Variants in ZDHHC14 observed in about 807,000 individuals in gnomAD.
ZDHHC14 encodes the protein palmitoyltransferase ZDHHC14.
A neutral mutation model predicts 47.7 loss-of-function variants in ZDHHC14; 16 were observed. The observed-to-expected ratio is 0.34, with a 90% CI of 0.23 to 0.51. ZDHHC14 has a LOEUF of 0.51. Ranked by LOEUF, ZDHHC14 falls within the 20% of genes least tolerant of loss-of-function variation. The pLI is 0.97. For synonymous variants in ZDHHC14, 293 were observed against 278.9 expected (o/e 1.05, Z -0.50); for missense variants, 515 against 662.5 (o/e 0.78, Z 2.44).
intron 2 of ZDHHC14, among the ~76,000 whole-genome samples, chr6:157,557,968 C>A (rs1368812035): frequency 6.6e-6 from 1 of 152,194 alleles, no homozygotes; most frequent in East Asian, 1.9e-4. Context: ...GCCACACATG[C>A]AAGCCACACA....
At chr6:157,420,233 G>A (rs531319654) in intron 1 of ZDHHC14, among the ~76,000 whole-genome samples, 2 of 151,806 alleles carry the variant, frequency 1.3e-5, no homozygotes, top group East Asian at 3.9e-4. Flanking sequence ...TTGAAGGGGT[G>A]GGCTGAATCG....
At chr6:157,454,476 A>G (rs1778867885) in intron 1 of ZDHHC14, among the ~76,000 whole-genome samples, 1 of 150,598 alleles carries the variant, frequency 6.6e-6, no homozygotes, top group Non-Finnish European at 1.5e-5. Context: ...CTGATTTTAA[A>G]ATGCTTTTAA....
intron 1 of ZDHHC14, among the ~76,000 whole-genome samples, chr6:157,493,132 G>T (rs1368038081): frequency 6.6e-6 from 1 of 152,224 alleles, no homozygotes. Flanking sequence ...GTGGCACTGG[G>T]ACCAGGCTGT....
chr6:157,635,958 T>G (rs1221147986), intron 5 of ZDHHC14, among the ~76,000 whole-genome samples: 1 of 152,132 alleles, frequency 6.6e-6, no homozygotes, highest in African/African-American at 2.4e-5. Flanking sequence ...AAATAGTGTT[T>G]CCTCATCTGG....
intron 3 of ZDHHC14, among the ~76,000 whole-genome samples, chr6:157,612,843 GA>G (rs67622838): frequency 0.41 from 60,176 of 147,518 alleles, 12,716 homozygotes; most frequent in East Asian, 0.51. Flanking sequence ...CTCTCTTAGA[GA>G]AAAAAAAAAA....
chr6:157,406,289 G>A (rs1296447839), intron 1 of ZDHHC14, among the ~76,000 whole-genome samples: 2 of 152,182 alleles, frequency 1.3e-5, no homozygotes, highest in African/African-American at 2.4e-5. Context: ...TTTGAAAGTC[G>A]AAGGGATCCG....
At chr6:157,408,026 C>T (rs761995429) in intron 1 of ZDHHC14, among the ~76,000 whole-genome samples, 1 of 152,164 alleles carries the variant, frequency 6.6e-6, no homozygotes, top group Non-Finnish European at 1.5e-5. Flanking sequence ...GAAGTAGACT[C>T]AAGAAGGAGT....
Position 157,587,973 on chromosome 6 carries a change from G to C in ZDHHC14, c.407-5015G>C, listed in dbSNP as rs148785862. Among the ~76,000 whole-genome samples the C allele has an allele frequency of 5.3e-5, 8 of 152,204 alleles. No individual in the cohort carries two copies. The East Asian group carries it at 1.5e-3, about 29-fold the overall frequency. ...TGTCTCTATAAAAAATTTAAAATTA[G>C]GCTGGGTACTGTGACTCATGCCTGT... On this transcript the variant is annotated intron_variant, in intron 2 of 8. Transcript: ENST00000359775.
intron 1 of ZDHHC14, among the ~76,000 whole-genome samples, chr6:157,492,615 G>C (rs572878209): frequency 2.0e-5 from 3 of 152,308 alleles, no homozygotes; most frequent in East Asian, 3.9e-4. Flanking sequence ...TGTCTTGTGC[G>C]GAAGGCTGTG....
intron 1 of ZDHHC14, among the ~76,000 whole-genome samples, chr6:157,434,129 A>C (rs1329590199): frequency 6.6e-6 from 1 of 152,096 alleles, no homozygotes; most frequent in African/African-American, 2.4e-5. Context: ...CAACAACAAA[A>C]AGAAAATAGA....
intron 1 of ZDHHC14, among the ~76,000 whole-genome samples, chr6:157,492,201 C>CCCTGCG (rs1779939229): frequency 8.2e-6 from 1 of 122,250 alleles, no homozygotes; most frequent in African/African-American, 3.7e-5. Context: ...CCCCCCTCCG[C>CCCTGCG]CCCCGCCCCC....
intron 8 of ZDHHC14, among the ~76,000 whole-genome samples, chr6:157,663,150 C>T (rs921537403): frequency 3.9e-5 from 6 of 152,240 alleles, no homozygotes; most frequent in African/African-American, 1.4e-4. Flanking sequence ...CTGTGAGAAA[C>T]CCAGGTTGCT....
intron 1 of ZDHHC14, among the ~76,000 whole-genome samples, chr6:157,445,275 A>C (rs190773278): frequency 2.6e-5 from 4 of 152,322 alleles, no homozygotes; most frequent in African/African-American, 7.2e-5. Context: ...GGAAAGATTC[A>C]AAGAGTTAAT....
intron 1 of ZDHHC14, among the ~76,000 whole-genome samples, chr6:157,514,673 G>A (rs1780616329): frequency 6.6e-6 from 1 of 152,222 alleles, no homozygotes; most frequent in Non-Finnish European, 1.5e-5. Context: ...TATTCCGGTT[G>A]TTGTTTGAGC....
At position 157,463,557 on chromosome 6, in the gene ZDHHC14, A is replaced by T. The variant is rs1369965461; in HGVS notation, c.246-79028A>T. On this transcript the variant is annotated intron_variant, in intron 1 of 8. Transcript: ENST00000359775. The surrounding 1 kb of genome is among the most constrained non-coding windows in gnomAD (Gnocchi z 4.4). ...GAGCCTACAGGAAGAATCATCAGAAAGGAATGTAAGACAGCAGCTCCATCC... is the reference window on the plus strand; with the variant it reads ...GAGCCTACAGGAAGAATCATCAGAATGGAATGTAAGACAGCAGCTCCATCC... Among the ~76,000 whole-genome samples, 1 of 152,210 alleles carries T rather than the reference A, an allele frequency of 6.6e-6. No homozygotes were observed. The highest frequency in any genetic ancestry group is 1.5e-5 in the Non-Finnish European group (1 of 68,042).
rs535414017 is a variant in ZDHHC14, at chr6:157,427,017, G to C, written c.245+44751G>C. On this transcript the variant is annotated intron_variant, in intron 1 of 8. Transcript: ENST00000359775. The surrounding 1 kb of genome is among the most constrained non-coding windows in gnomAD (Gnocchi z 4.4). ...AAGATAGTGTCTGGAGGAGAAGGTAGGTGAGGAATCGGTCTAGAGGAAAAG... is the reference window on the plus strand; with the variant it reads ...AAGATAGTGTCTGGAGGAGAAGGTACGTGAGGAATCGGTCTAGAGGAAAAG... Among the ~76,000 whole-genome samples the C allele has an allele frequency of 5.3e-5, 8 of 152,274 alleles. No homozygotes were observed. The highest frequency in any genetic ancestry group is 4.2e-4 in the South Asian group (2 of 4,818).
intron 1 of ZDHHC14, among the ~76,000 whole-genome samples, chr6:157,537,767 C>G (rs1397541816): frequency 1.3e-5 from 2 of 152,178 alleles, no homozygotes; most frequent in African/African-American, 4.8e-5. Flanking sequence ...GAGTTCCCAT[C>G]CACAGTTGCT....
At chr6:157,442,870 CA>C (rs1778588451) in intron 1 of ZDHHC14, among the ~76,000 whole-genome samples, 3 of 152,170 alleles carry the variant, frequency 2.0e-5, no homozygotes, top group Admixed American at 6.5e-5. Context: ...AGACCTTTTT[CA>C]AGGAAGGCTT....
chr6:157,445,300 C>T (rs891892372), intron 1 of ZDHHC14, among the ~76,000 whole-genome samples: 9 of 152,152 alleles, frequency 5.9e-5, no homozygotes, highest in African/African-American at 1.9e-4. Flanking sequence ...CCTCTGTCTT[C>T]TGCCAGCTTC....
Sources: gnomAD v4.1 joint callset for allele counts (sites outside exome capture counted in the v4.1 genomes callset) on GRCh38, gnomAD v4.1.1 for gene constraint, Gnocchi (gnomAD v3.1) non-coding constraint, MANE v1.5 for transcripts, NCBI Gene and HGNC (gene_info 2026-07-23, HGNC 2026-07-21) for gene names.